RIMKLB: variants seen among roughly 807,000 people sequenced by gnomAD.
RIMKLB encodes beta-citrylglutamate synthase B.
A neutral mutation model predicts 32.0 loss-of-function variants in RIMKLB; 7 were observed. That is an observed-to-expected ratio of 0.22 (90% confidence interval 0.12 to 0.41). RIMKLB has a LOEUF of 0.41. Among genes scored for constraint, RIMKLB ranks in the 10% least tolerant of loss-of-function variants. The probability of loss-of-function intolerance (pLI) is 1.00; values close to 1 mark genes in which losing one functional copy is unlikely to be tolerated. For missense variants in RIMKLB, 289 were observed against 498.7 expected, an observed-to-expected ratio of 0.58 and a Z score of 4.00; for synonymous variants, 172 against 185.1, an observed-to-expected ratio of 0.93 and a Z score of 0.57.
chr12:8,760,615 G>T (rs990724351), intron 5 of RIMKLB, among the ~76,000 whole-genome samples: 1 of 152,136 alleles, frequency 6.6e-6, no homozygotes, highest in Non-Finnish European at 1.5e-5. Flanking sequence ...GTTGTTTCCT[G>T]ACTTTTTAAT....
intron 1 of RIMKLB, among the ~76,000 whole-genome samples, chr12:8,699,341 G>GT (rs1014934798): frequency 6.6e-6 from 1 of 151,946 alleles, no homozygotes; most frequent in Non-Finnish European, 1.5e-5. Context: ...AAATTGAAAT[G>GT]TTTTTAAATC....
Position 8,753,876 on chromosome 12 carries a change from C to G in RIMKLB, c.494-14C>G. 6.2e-7 allele frequency: 1 copy of G among 1,607,308 alleles called. No individual in the cohort carries two copies. Among genetic ancestry groups the G allele is most frequent in the Non-Finnish European group, 8.5e-7 (1 of 1,174,040 alleles). ...TGATGACTTAACATGTATTTTTATT[C>G]TTTTCAATCATAGGTAAAGCTGTTT... On this transcript the variant is annotated splice_polypyrimidine_tract_variant and intron_variant, in intron 4 of 5. Coordinates refer to ENST00000535829, the MANE Select transcript of RIMKLB (RefSeq NM_001297776.2).
intron 2 of RIMKLB, among the ~76,000 whole-genome samples, chr12:8,724,023 G>A (rs1945741929): frequency 6.6e-6 from 1 of 151,760 alleles, no homozygotes; most frequent in Non-Finnish European, 1.5e-5. Context: ...TATGGAGTTG[G>A]GGTTTTGTCA....
chr12:8,727,771 C>A (rs1238585405), intron 2 of RIMKLB, among the ~76,000 whole-genome samples: 1 of 151,898 alleles, frequency 6.6e-6, no homozygotes, highest in African/African-American at 2.4e-5. Flanking sequence ...TAGTGGCGGG[C>A]ACCTGTAATC....
chr12:8,733,325 A>G (rs777090750), intron 2 of RIMKLB, among the ~76,000 whole-genome samples: 3 of 152,026 alleles, frequency 2.0e-5, no homozygotes, highest in South Asian at 4.2e-4. Context: ...AAAAAGACTC[A>G]TTTTAAAACC....
intron 2 of RIMKLB, among the ~76,000 whole-genome samples, chr12:8,736,969 G>A (rs966375490): frequency 4.6e-5 from 7 of 151,728 alleles, no homozygotes; most frequent in African/African-American, 1.2e-4. Context: ...GTGCCACCAC[G>A]CCCAGCTAAT....
At chr12:8,720,669 A>G (rs755212429) in intron 2 of RIMKLB, among the ~76,000 whole-genome samples, 2 of 152,082 alleles carry the variant, frequency 1.3e-5, no homozygotes, top group Non-Finnish European at 2.9e-5. Flanking sequence ...CCTCCCGAGT[A>G]GCTGGGATTA....
At chr12:8,753,503 A>G (rs1252673704) in intron 4 of RIMKLB, among the ~76,000 whole-genome samples, 6 of 152,248 alleles carry the variant, frequency 3.9e-5, no homozygotes, top group African/African-American at 1.4e-4. Context: ...CTATATTACT[A>G]TATCCTAATA....
intron 2 of RIMKLB, among the ~76,000 whole-genome samples, chr12:8,719,967 A>T (rs1415196147): frequency 2.6e-5 from 4 of 152,164 alleles, no homozygotes; most frequent in Non-Finnish European, 5.9e-5. Context: ...GTAGAGATAG[A>T]TCATGAGCTG....
chr12:8,689,384 CATT>C (rs1241381569), intron 1 of RIMKLB, among the ~76,000 whole-genome samples: 1 of 152,218 alleles, frequency 6.6e-6, no homozygotes, highest in Admixed American at 6.5e-5. Flanking sequence ...GTTGCCAAAA[CATT>C]GTAACTATAT....
At chr12:8,703,265 C>T (rs1943558472) in intron 1 of RIMKLB, among the ~76,000 whole-genome samples, 1 of 151,574 alleles carries the variant, frequency 6.6e-6, no homozygotes, top group Non-Finnish European at 1.5e-5. Flanking sequence ...GCCTGGGCAG[C>T]AGAGTGAGAC....
chr12:8,758,332 G>C (rs1447593179), intron 5 of RIMKLB, among the ~76,000 whole-genome samples: 1 of 151,388 alleles, frequency 6.6e-6, no homozygotes, highest in African/African-American at 2.4e-5. Context: ...TGTTACCCAG[G>C]CTAGTCTTGA....
intron 1 of RIMKLB, among the ~76,000 whole-genome samples, chr12:8,682,335 G>A (rs1308928408): frequency 6.6e-6 from 1 of 152,164 alleles, no homozygotes; most frequent in Non-Finnish European, 1.5e-5. Context: ...CATGTAGCAA[G>A]AATATTGAAC....
Position 8,774,736 on chromosome 12 carries a change from A to T in RIMKLB, c.*952A>T. On this transcript the variant is annotated 3_prime_UTR_variant, in exon 6 of 6. Coordinates refer to ENST00000535829, the MANE Select transcript of RIMKLB (RefSeq NM_001297776.2). Reference sequence around the variant, plus strand: ...TTATTTTTTCCCTTTTTGTTTTGGTAGTTGGGCATTTAAATAAGGACAAGG... The same window carrying T: ...TTATTTTTTCCCTTTTTGTTTTGGTTGTTGGGCATTTAAATAAGGACAAGG... The T allele has an allele frequency of 7.1e-6, 7 of 985,574 alleles. No homozygotes were observed. Among genetic ancestry groups the T allele is most frequent in the Non-Finnish European group, 8.4e-6 (7 of 829,794 alleles). 61.1% of individuals were successfully genotyped at this position (985,574 alleles called of 1,614,324 possible).
rs1346092837 is a variant in RIMKLB at position 8,773,654 on chromosome 12, T to C, written c.1031T>C (p.Met344Thr). 6.2e-7 allele frequency: 1 copy of C among 1,614,074 alleles called. No individual in the cohort carries two copies. Among genetic ancestry groups the C allele is most frequent in the Non-Finnish European group, 8.5e-7 (1 of 1,180,028 alleles). Residue 344 changes from methionine to threonine, a missense_variant, in exon 6 of 6, where the codon ATG (methionine) becomes ACG (threonine). Met to Thr is a moderately conservative substitution (Grantham distance 81, BLOSUM62 -1). Transcript: ENST00000535829. The part of the protein sequence containing the change: ...GPPASTAVDN[M>T]SASSSSVDSD... ...CCAGCCAGCACTGCTGTTGACAACA[T>C]GAGTGCAAGTTCCAGCTCTGTTGAC... is the stretch of plus-strand genomic sequence containing the variant.
At chr12:8,681,504 A>G (rs926144478), upstream of RIMKLB, 1 of 152,180 alleles carries the variant, frequency 6.6e-6, no homozygotes, top group African/African-American at 2.4e-5. Flanking sequence ...AACTTGTGCT[A>G]CGTTAATGCA....
chr12:8,709,076 A>G (rs1233855356), intron 1 of RIMKLB, among the ~76,000 whole-genome samples: 1 of 152,304 alleles, frequency 6.6e-6, no homozygotes, highest in African/African-American at 2.4e-5. Context: ...GGACATTTGC[A>G]ATTGCTGCGT....
intron 2 of RIMKLB, among the ~76,000 whole-genome samples, chr12:8,740,063 G>A (rs999885732): frequency 2.6e-5 from 4 of 152,148 alleles, no homozygotes; most frequent in East Asian, 1.9e-4. Context: ...TCACCACTGC[G>A]TTTGGCTAAT....
chr12:8,775,821 TTTATC>T lies in RIMKLB; in HGVS notation c.*2041_*2045del, dbSNP rs1950694457. 1.0e-6 allele frequency: 1 copy of T among 984,888 alleles called. No homozygotes were observed. The highest frequency in any genetic ancestry group is 4.7e-5 in the South Asian group (1 of 21,274). The allele number at this position is 984,888 out of a possible 1,614,324, so 61.0% of individuals were successfully genotyped here. A position where few individuals can be genotyped will look rare whatever the true frequency, so the allele number is the denominator to read the frequency against. ...AAGGATACATAAGAGGAGTTTGTAA[TTTATC>T]TTAGGATATTCTAATTGCATTTAAA... On this transcript the variant is annotated 3_prime_UTR_variant, in exon 6 of 6. Coordinates refer to ENST00000535829, the MANE Select transcript of RIMKLB (RefSeq NM_001297776.2).
Sources: gnomAD v4.1 joint callset for allele counts (sites outside exome capture counted in the v4.1 genomes callset) on GRCh38, gnomAD v4.1.1 for gene constraint, MANE v1.5 for transcripts, NCBI Gene and HGNC (gene_info 2026-07-23, HGNC 2026-07-21) for gene names.